Variants in PRELID1 observed in about 807,000 individuals in gnomAD.
The protein encoded by PRELID1 is PRELI domain-containing protein 1, mitochondrial.
A neutral mutation model predicts 29.0 loss-of-function variants in PRELID1; 15 were observed. The ratio of observed to expected loss-of-function variants is 0.52; its 90% confidence interval spans 0.35 to 0.80. The LOEUF (loss-of-function observed/expected upper bound fraction) is 0.80, where lower values mean the gene tolerates loss of function less well. PRELID1 is among the 30% of genes least tolerant of loss of function. The probability of loss-of-function intolerance (pLI) is 0.01; values close to 1 mark genes in which losing one functional copy is unlikely to be tolerated. For synonymous variants in PRELID1, 79 were observed against 106.5 expected (o/e 0.74, Z 1.59); for missense variants, 187 against 275.9 (o/e 0.68, Z 2.28).
chr5:177,305,453 C>T (rs565487321), intron 2 of PRELID1: 5 of 212,814 alleles, frequency 2.3e-5, no homozygotes, highest in South Asian at 6.1e-5. Flanking sequence ...GTGATCCGCC[C>T]GCCTCGGCCT....
At position 177,303,804 on chromosome 5, in the gene PRELID1, G is replaced by A. The variant is rs1365436386; in HGVS notation, c.-182G>A. Reference sequence around the variant, plus strand: ...GTGGCTGCGCCGGAAGTGGCGCGCGGCCGGACAACTCATGGCGGCGGCGGC... The same window carrying A: ...GTGGCTGCGCCGGAAGTGGCGCGCGACCGGACAACTCATGGCGGCGGCGGC... On this transcript the variant is annotated 5_prime_UTR_variant, in exon 1 of 5. Coordinates refer to ENST00000303204, the MANE Select transcript of PRELID1 (RefSeq NM_013237.4). This position sits in a 1 kb window ranked among gnomAD's most constrained non-coding sequence, Gnocchi z 6.1. 1.6e-5 allele frequency: 7 copies of A among 436,828 alleles called. No homozygotes were observed. Among genetic ancestry groups the A allele is most frequent in the Admixed American group, 4.6e-5 (1 of 21,642 alleles). The allele number at this position is 436,828 out of a possible 1,614,324, so 27.1% of individuals were successfully genotyped here.
At chr5:177,304,905 T>TA in intron 2 of PRELID1, 55 bp downstream of exon 2, 3 of 1,454,046 alleles carry the variant, frequency 2.1e-6, no homozygotes, top group Non-Finnish European at 2.8e-6. Flanking sequence ...CCCCCCGAGA[T>TA]AGAGAGCTCC....
chr5:177,305,501 C>A, intron 2 of PRELID1: 1 of 261,948 alleles, frequency 3.8e-6, no homozygotes, highest in Non-Finnish European at 7.5e-6. Context: ...GCCACCGCGC[C>A]GGGCAAATGT....
In PRELID1 at chr5:177,304,120, C is replaced by T. The variant is rs1760791414; in HGVS notation, c.92+43C>T. 5 of 1,553,134 alleles carry T rather than the reference C, an allele frequency of 3.2e-6. No individual in the cohort carries two copies. The East Asian group carries it at 1.1e-4, about 35-fold the overall frequency. Reference sequence around the variant, plus strand: ...GAGCAAAACCGCGCCATCTCGCTATCTGGAGATCGAATTATGGGTAACCCC... The same window carrying T: ...GAGCAAAACCGCGCCATCTCGCTATTTGGAGATCGAATTATGGGTAACCCC... On this transcript the variant is annotated intron_variant, in intron 1 of 4. Coordinates refer to ENST00000303204, the MANE Select transcript of PRELID1 (RefSeq NM_013237.4).
Position 177,304,778 on chromosome 5 carries a change from G to A in PRELID1, c.246G>A (p.Glu82=). Residue 82 remains glutamate, a synonymous_variant, in exon 2 of 5, where the codon GAG becomes GAA. Transcript: ENST00000303204. ...ANVAHSVYVL[E]DSIVDPQNQT... The stretch of plus-strand genomic sequence containing the variant: ...TTGCTCACTCGGTGTACGTCCTGGA[G>A]GACTCTATTGTGGACCCACAGAATC... 4 of 1,613,896 alleles carry A rather than the reference G, an allele frequency of 2.5e-6. 1 individual carries two copies. In the Middle Eastern group the frequency reaches 5.0e-4, roughly 200 times the overall value.
intron 2 of PRELID1, chr5:177,305,487 G>A (rs1186435690): frequency 3.5e-5 from 9 of 254,608 alleles, no homozygotes; most frequent in South Asian, 8.3e-5. Context: ...GATTACAGGC[G>A]TGAGCCACCG....
rs374037344 is a variant in PRELID1 at position 177,305,821 on chromosome 5, A to G, written c.319-50A>G. ...TGACAGGGAGTCAGATTTATGTGCA[A>G]GTTGGCAAAATGAAAGACTGTTCCA... On this transcript the variant is annotated intron_variant, in intron 2 of 4. Transcript: ENST00000303204. 2.2e-5 allele frequency: 33 copies of G among 1,516,228 alleles called. No individual in the cohort carries two copies. The East Asian group carries it at 4.5e-4, about 21-fold the overall frequency. 93.9% of individuals were successfully genotyped at this position (1,516,228 alleles called of 1,614,324 possible).
chr5:177,304,180 T>C (rs1050639645), intron 1 of PRELID1, 103 bp downstream of exon 1: 31 of 1,128,518 alleles, frequency 2.7e-5, no homozygotes, highest in Admixed American at 6.0e-5. Context: ...CGATATCGAA[T>C]CCTAGGTAGA....
At chr5:177,304,123 G>C (rs1456837512) in intron 1 of PRELID1, 46 bp downstream of exon 1, 3 of 1,546,112 alleles carry the variant, frequency 1.9e-6, no homozygotes, top group Admixed American at 3.4e-5. Context: ...TCGCTATCTG[G>C]AGATCGAATT....
At position 177,304,851 on chromosome 5, in the gene PRELID1, G is replaced by A. The variant is rs1301971051; in HGVS notation, c.318+1G>A. 6.2e-7 allele frequency: 1 copy of A among 1,602,936 alleles called. No homozygotes were observed. The highest frequency in any genetic ancestry group is 8.5e-7 in the Non-Finnish European group (1 of 1,172,116). ...GAACATCAACCACGCCCGGCTGATG[G>A]TGAGACACCTCCTGTTGTGATTCTG... On this transcript the variant is annotated splice_donor_variant, in intron 2 of 4. Coordinates refer to ENST00000303204, the MANE Select transcript of PRELID1 (RefSeq NM_013237.4). LOFTEE classifies it high-confidence loss of function.
intron 2 of PRELID1, among the ~76,000 whole-genome samples, 195 bp downstream of exon 2, chr5:177,305,045 C>T (rs1760825043): frequency 6.6e-6 from 1 of 152,160 alleles, no homozygotes; most frequent in African/African-American, 2.4e-5. Context: ...CCTCTCTGGA[C>T]CTGTCCTTTG....
chr5:177,306,355 T>C lies in PRELID1; in HGVS notation c.512-67T>C, dbSNP rs773752233. The C allele has an allele frequency of 4.4e-6, 7 of 1,607,634 alleles. No individual in the cohort carries two copies. In the South Asian group the frequency reaches 6.6e-5, roughly 15 times the overall value. ...CCTGGCCCAGAGGAGATTGGTGTCA[T>C]GGGGGAGGGAAATTAGGTTGGTCTT... On this transcript the variant is annotated intron_variant, in intron 4 of 4. Coordinates refer to ENST00000303204, the MANE Select transcript of PRELID1 (RefSeq NM_013237.4).
In PRELID1 at chr5:177,305,973, A is replaced by G; in HGVS notation, c.421A>G (p.Arg141Gly). 2 of 1,613,956 alleles carry G rather than the reference A, an allele frequency of 1.2e-6. No homozygotes were observed. The highest frequency in any genetic ancestry group is 2.2e-5 in the East Asian group (1 of 44,880). Residue 141 changes from arginine (R) to glycine (G), a missense_variant, in exon 3 of 5, where the codon AGA becomes GGA. Physicochemically the swap from Arg to Gly is moderately radical, Grantham distance 125. Transcript: ENST00000303204. ...WVSSSLFGVSRAVQEFGLARF... is the reference protein window; with the variant it reads ...WVSSSLFGVSGAVQEFGLARF... ...CTCCTCTAGCTTATTTGGTGTCTCC[A>G]GAGCTGTCCAGGTGAGCAGTGTTGT... is the stretch of plus-strand genomic sequence containing the variant.
chr5:177,304,949 C>T, intron 2 of PRELID1, 99 bp downstream of exon 2: 1 of 1,210,298 alleles, frequency 8.3e-7, no homozygotes, highest in Non-Finnish European at 1.2e-6. Context: ...CATAAGGCAG[C>T]TTTTGTGGCC....
Position 177,303,806 on chromosome 5 carries a change from C to G in PRELID1, c.-180C>G, listed in dbSNP as rs1239870363. ...GGCTGCGCCGGAAGTGGCGCGCGGC[C>G]GGACAACTCATGGCGGCGGCGGCGG... On this transcript the variant is annotated 5_prime_UTR_variant, in exon 1 of 5. Transcript: ENST00000303204. This position sits in a 1 kb window ranked among gnomAD's most constrained non-coding sequence, Gnocchi z 6.1. The G allele has an allele frequency of 6.6e-5, 29 of 438,704 alleles. 1 individual carries two copies. In the East Asian group the frequency reaches 7.6e-4, roughly 12 times the overall value. The allele number at this position is 438,704 out of a possible 1,614,324, so 27.2% of individuals were successfully genotyped here. A position where few individuals can be genotyped will look rare whatever the true frequency, so the allele number is the denominator to read the frequency against.
At chr5:177,305,831 A>T (rs771894774) in intron 2 of PRELID1, 40 bp from the exon 3 acceptor site, 1 of 1,574,338 alleles carries the variant, frequency 6.4e-7, no homozygotes, top group Admixed American at 1.7e-5. Context: ...AGTTGGCAAA[A>T]TGAAAGACTG....
chr5:177,306,949 A>G lies in PRELID1; in HGVS notation c.*379A>G. On this transcript the variant is annotated 3_prime_UTR_variant, in exon 5 of 5. Transcript: ENST00000303204. ...CACTCAATAAATACTTGTTGAATTCAGTTGGCCCCAGCTCTGGAGTCGGAA... is the reference window on the plus strand; with the variant it reads ...CACTCAATAAATACTTGTTGAATTCGGTTGGCCCCAGCTCTGGAGTCGGAA... 1 of 978,438 alleles carries G rather than the reference A, an allele frequency of 1.0e-6. No individual in the cohort carries two copies. Among genetic ancestry groups the G allele is most frequent in the Non-Finnish European group, 1.5e-6 (1 of 675,202 alleles). 60.6% of individuals were successfully genotyped at this position (978,438 alleles called of 1,614,324 possible). A position where few individuals can be genotyped will look rare whatever the true frequency, so the allele number is the denominator to read the frequency against.
Position 177,304,648 on chromosome 5 carries a change from T to C in PRELID1, c.116T>C (p.Ile39Thr). The C allele has an allele frequency of 6.2e-7, 1 of 1,613,614 alleles. No homozygotes were observed. Residue 39 changes from isoleucine to threonine, a missense_variant, in exon 2 of 5, where the codon ATA (isoleucine) becomes ACA (threonine). Coordinates refer to ENST00000303204, the MANE Select transcript of PRELID1 (RefSeq NM_013237.4). ...AGCAAACATGTCTTGACGGAAGACA[T>C]AGTACACCGGGAGGTGACCCCTGAC... The part of the protein sequence containing the change: ...PYSKHVLTED[I>T]VHREVTPDQK...
rs1299874555 is a variant in PRELID1 at position 177,304,093 on chromosome 5, A to C, written c.92+16A>C. 5.0e-6 allele frequency: 8 copies of C among 1,607,284 alleles called. No homozygotes were observed. The highest frequency in any genetic ancestry group is 6.8e-6 in the Non-Finnish European group (8 of 1,178,422). On this transcript the variant is annotated intron_variant, in intron 1 of 4. Coordinates refer to ENST00000303204, the MANE Select transcript of PRELID1 (RefSeq NM_013237.4). ...ATCCCTATAGGTACGTGGTATTTGG[A>C]AGAGCAAAACCGCGCCATCTCGCTA...
Sources: allele counts gnomAD v4.1 joint callset (sites outside exome capture counted in the v4.1 genomes callset), GRCh38; gene constraint gnomAD v4.1.1; non-coding constraint Gnocchi (gnomAD v3.1); transcripts MANE v1.5; gene names NCBI Gene and HGNC (gene_info 2026-07-23, HGNC 2026-07-21).